The following RGS7 variants were observed in gnomAD, a reference collection of about 807,000 sequenced individuals.
The protein encoded by RGS7 is regulator of G protein signaling 7.
Under a neutral mutation model 81.1 loss-of-function variants are expected in RGS7, and 27 were observed. The observed-to-expected ratio is 0.33, with a 90% CI of 0.25 to 0.46. The LOEUF (loss-of-function observed/expected upper bound fraction) is 0.46, where lower values mean the gene tolerates loss of function less well. Among genes scored for constraint, RGS7 ranks in the 20% least tolerant of loss-of-function variants. The probability of loss-of-function intolerance (pLI) is 1.00; values close to 1 mark genes in which losing one functional copy is unlikely to be tolerated. For missense variants in RGS7, 396 were observed against 607.4 expected (o/e 0.65, Z 3.66); for synonymous variants, 208 against 207.7 (o/e 1.00, Z -0.01).
At chr1:240,862,905 A>G (rs1312665573) in intron 9 of RGS7, among the ~76,000 whole-genome samples, 2 of 151,476 alleles carry the variant, frequency 1.3e-5, no homozygotes, top group Non-Finnish European at 2.9e-5. Flanking sequence ...TTTTTTACGA[A>G]TAATTTCTGT....
intron 2 of RGS7, among the ~76,000 whole-genome samples, chr1:241,135,414 G>GAGTTGAC (rs1180339103): frequency 6.6e-6 from 1 of 152,094 alleles, no homozygotes; most frequent in Non-Finnish European, 1.5e-5. Context: ...GCGACAGAGC[G>GAGTTGAC]AGACTCCGTC....
At chr1:240,985,201 C>T (rs996771426) in intron 3 of RGS7, among the ~76,000 whole-genome samples, 2 of 152,188 alleles carry the variant, frequency 1.3e-5, no homozygotes, top group African/African-American at 4.8e-5. Flanking sequence ...TGACCAATGT[C>T]GATTCCCAGA....
At chr1:240,776,302 C>A in intron 18 of RGS7, 89 bp from the exon 19 acceptor site, 1 of 996,420 alleles carries the variant, frequency 1.0e-6, no homozygotes, top group South Asian at 1.3e-5. Flanking sequence ...TTTACTGTAG[C>A]TGATTTTTGT....
Position 240,868,985 on chromosome 1 carries a change from T to A in RGS7, c.451-133A>T, listed in dbSNP as rs1454584642. 6.3e-6 allele frequency: 5 copies of A among 792,166 alleles called. No individual in the cohort carries two copies. Among genetic ancestry groups the A allele is most frequent in the Non-Finnish European group, 1.1e-5 (5 of 453,254 alleles). 49.1% of individuals were successfully genotyped at this position (792,166 alleles called of 1,614,324 possible). On this transcript the variant is annotated intron_variant, in intron 7 of 18. Coordinates refer to ENST00000440928, the MANE Select transcript of RGS7 (RefSeq NM_001364886.1). The surrounding 1 kb of genome is among the most constrained non-coding windows in gnomAD (Gnocchi z 5.1). ...GCCCTAAGTGTACTGTGGTTCTCAA[T>A]GATAAGTCATGCTCCCTGAATTCAG...
intron 6 of RGS7, among the ~76,000 whole-genome samples, chr1:240,876,627 C>T (rs1217836713): frequency 6.6e-6 from 1 of 152,082 alleles, no homozygotes; most frequent in Non-Finnish European, 1.5e-5. Flanking sequence ...GGAAAGTCTC[C>T]TTGGAAAGGA....
intron 2 of RGS7, among the ~76,000 whole-genome samples, chr1:241,174,972 G>A (rs1040760782): frequency 2.1e-5 from 3 of 142,186 alleles, no homozygotes; most frequent in African/African-American, 7.9e-5. Context: ...GCGCAATCTC[G>A]GCTCACTACA....
chr1:241,167,622 G>A (rs896444682), intron 2 of RGS7, among the ~76,000 whole-genome samples: 4 of 151,830 alleles, frequency 2.6e-5, no homozygotes, highest in Admixed American at 2.6e-4. Flanking sequence ...TGGTTCAAGC[G>A]ATTCTCATGC....
chr1:241,090,761 A>C (rs2063820160), intron 3 of RGS7, among the ~76,000 whole-genome samples: 1 of 152,132 alleles, frequency 6.6e-6, no homozygotes, highest in South Asian at 2.1e-4. Context: ...CAGGTGAAAA[A>C]ACTATAGTGG....
At chr1:240,823,172 C>G (rs1692116805) in intron 10 of RGS7, 1 of 1,110,982 alleles carries the variant, frequency 9.0e-7, no homozygotes, top group African/African-American at 1.5e-5. Flanking sequence ...TAGAAGTCCT[C>G]TTTGAAGGTA....
intron 2 of RGS7, among the ~76,000 whole-genome samples, chr1:241,099,630 A>G (rs1190709760): frequency 6.6e-6 from 1 of 152,228 alleles, no homozygotes; most frequent in African/African-American, 2.4e-5. Flanking sequence ...CATTCATTCA[A>G]ATCATAGCCA....
intron 2 of RGS7, among the ~76,000 whole-genome samples, chr1:241,131,385 A>C (rs1291308092): frequency 1.3e-5 from 2 of 152,174 alleles, no homozygotes; most frequent in Non-Finnish European, 2.9e-5. Flanking sequence ...AGGACCAGTA[A>C]AAACAGACAG....
At chr1:240,793,611 A>ATATATATATATATATATATATATATTTTT in intron 18 of RGS7, among the ~76,000 whole-genome samples, 1 of 78,814 alleles carries the variant, frequency 1.3e-5, no homozygotes, top group Non-Finnish European at 2.0e-5. Flanking sequence ...ATATATATAT[A>ATATATATATATATATATATATATATTTTT]TTTTTTTTTT....
In RGS7 at chr1:241,105,553, G is replaced by C. The variant is rs139456308; in HGVS notation, c.79-6791C>G. ...TTATTCAAGAGGGGCTGCCAGACAG[G>C]GCTCCCACATATTGATGAAAACAAA... On this transcript the variant is annotated intron_variant, in intron 2 of 18. Transcript: ENST00000440928. Among the ~76,000 whole-genome samples the C allele has an allele frequency of 3.0e-3, 450 of 152,192 alleles. 5 individuals carry two copies. The highest frequency in any genetic ancestry group is 9.7e-3 in the African/African-American group (403 of 41,526).
intron 2 of RGS7, among the ~76,000 whole-genome samples, chr1:241,346,213 A>G (rs2082887144): frequency 6.6e-6 from 1 of 152,142 alleles, no homozygotes; most frequent in Non-Finnish European, 1.5e-5. Flanking sequence ...CCAGAAAACC[A>G]AAAATAAATA....
chr1:241,046,250 C>T (rs973836608), intron 3 of RGS7, among the ~76,000 whole-genome samples: 5 of 151,972 alleles, frequency 3.3e-5, no homozygotes, highest in Admixed American at 1.3e-4. Context: ...TACAAATGAT[C>T]CCATCAACCA....
chr1:241,224,023 T>C (rs929031854), intron 2 of RGS7, among the ~76,000 whole-genome samples: 9 of 151,268 alleles, frequency 5.9e-5, no homozygotes, highest in African/African-American at 2.2e-4. Flanking sequence ...AAAAAGTGTT[T>C]TATAAAATGT....
At chr1:241,162,900 A>G (rs2082976789) in intron 2 of RGS7, among the ~76,000 whole-genome samples, 1 of 152,248 alleles carries the variant, frequency 6.6e-6, no homozygotes, top group South Asian at 2.1e-4. Context: ...CCAAGTTTAT[A>G]GTCTATTGAT....
intron 18 of RGS7, among the ~76,000 whole-genome samples, chr1:240,780,829 G>A (rs904137815): frequency 2.7e-5 from 4 of 149,804 alleles, no homozygotes; most frequent in South Asian, 2.1e-4. Context: ...CAGGAGAATC[G>A]CTTGAATCCG....
intron 3 of RGS7, among the ~76,000 whole-genome samples, chr1:241,067,625 T>C (rs1327414086): frequency 1.3e-5 from 2 of 151,906 alleles, no homozygotes; most frequent in African/African-American, 4.8e-5. Flanking sequence ...GTTCCAGTGA[T>C]TCTCCTGCCT....
Sources: gnomAD v4.1 joint callset for allele counts (sites outside exome capture counted in the v4.1 genomes callset) on GRCh38, gnomAD v4.1.1 for gene constraint, Gnocchi (gnomAD v3.1) non-coding constraint, MANE v1.5 for transcripts, NCBI Gene and HGNC (gene_info 2026-07-23, HGNC 2026-07-21) for gene names.